Variants in CUL5 observed in about 807,000 individuals in gnomAD.
The protein encoded by CUL5 is cullin 5, also known as cullin-5.
CUL5 carries 26 observed loss-of-function variants against 108.8 expected under a neutral mutation model. The observed-to-expected ratio is 0.24, with a 90% confidence interval of 0.18 to 0.33. CUL5 has a LOEUF of 0.33. Ranked by LOEUF, CUL5 falls within the 10% of genes least tolerant of loss-of-function variation. The pLI is 1.00. For missense variants in CUL5, 524 were observed against 909.2 expected (o/e 0.58, Z 5.45); for synonymous variants, 334 against 298.0 (o/e 1.12, Z -1.25).
In CUL5 at chr11:108,097,724, T is replaced by G. The variant is rs769063205; in HGVS notation, c.1994T>G (p.Leu665Arg). 6.2e-7 allele frequency: 1 copy of G among 1,607,706 alleles called. No homozygotes were observed. The highest frequency in any genetic ancestry group is 8.5e-7 in the Non-Finnish European group (1 of 1,174,372). The change falls in exon 17 of 19, where the codon CTC (leucine) becomes CGC (arginine). Residue 665 changes from leucine (L) to arginine (R), a missense_variant. Transcript: ENST00000393094. ...CCCAAAGACTTTACAGAAGGTACCC[T>G]CTTCTCAGTGAACCAGGAGTTCAGT... is the stretch of plus-strand genomic sequence containing the variant. ...NSPKDFTEGT[L>R]FSVNQEFSLI...
rs188816264 is a variant in CUL5, at chr11:108,081,746, C to T, written c.1178+3506C>T. 7.9e-5 allele frequency among the ~76,000 whole-genome samples: 12 copies of T among 152,162 alleles called. No homozygotes were observed. In the East Asian group the frequency reaches 1.5e-3, roughly 20 times the overall value. ...CAGCCTGGGTGAGAGTGCGAGTCTCCGTCTCAAGAAAAAAATCAGTTGGCT... is the reference window on the plus strand; with the variant it reads ...CAGCCTGGGTGAGAGTGCGAGTCTCTGTCTCAAGAAAAAAATCAGTTGGCT... On this transcript the variant is annotated intron_variant, in intron 11 of 18. Coordinates refer to ENST00000393094, the MANE Select transcript of CUL5 (RefSeq NM_003478.6).
At chr11:108,009,899 C>T (rs1862021809) in intron 1 of CUL5, among the ~76,000 whole-genome samples, 2 of 152,072 alleles carry the variant, frequency 1.3e-5, no homozygotes, top group Non-Finnish European at 2.9e-5. Context: ...CGTGTTACAC[C>T]TTCCCTCCTA....
At position 108,033,792 on chromosome 11, in the gene CUL5, T is replaced by C; in HGVS notation, c.25-10T>C. 1 of 1,524,804 alleles carries C rather than the reference T, an allele frequency of 6.6e-7. No homozygotes were observed. The highest frequency in any genetic ancestry group is 8.9e-7 in the Non-Finnish European group (1 of 1,118,180). 94.5% of individuals were successfully genotyped at this position (1,524,804 alleles called of 1,614,324 possible). A position where few individuals can be genotyped will look rare whatever the true frequency, so the allele number is the denominator to read the frequency against. On this transcript the variant is annotated splice_polypyrimidine_tract_variant and intron_variant, in intron 1 of 18. Coordinates refer to ENST00000393094, the MANE Select transcript of CUL5 (RefSeq NM_003478.6). ...AAATTAAACTCCCTTTTATCTTTTT[T>C]TTTTTCAAGAATAAAGGTTCTCTTC...
chr11:108,095,016 G>C, intron 15 of CUL5, 29 bp downstream of exon 15: 1 of 1,565,374 alleles, frequency 6.4e-7, no homozygotes, highest in Non-Finnish European at 8.7e-7. Flanking sequence ...AGTTATTTCA[G>C]CTTTCAGTTT....
At chr11:108,023,917 C>T (rs1261355629) in intron 1 of CUL5, among the ~76,000 whole-genome samples, 2 of 152,134 alleles carry the variant, frequency 1.3e-5, no homozygotes, top group Non-Finnish European at 2.9e-5. Context: ...TCTTGGAAAA[C>T]AGTGTCCTCT....
At chr11:108,089,037 G>C (rs1178717214) in intron 12 of CUL5, among the ~76,000 whole-genome samples, 3 of 151,990 alleles carry the variant, frequency 2.0e-5, no homozygotes, top group African/African-American at 7.3e-5. Context: ...AGTAGATTAA[G>C]TAGTTGTTTT....
chr11:108,052,521 C>A, intron 4 of CUL5, 139 bp from the exon 5 acceptor site: 1 of 690,980 alleles, frequency 1.4e-6, no homozygotes, highest in Non-Finnish European at 2.3e-6. Flanking sequence ...CTCGGCCTCC[C>A]AAATTGTTGG....
At chr11:108,052,981 A>G (rs866216242) in intron 5 of CUL5, among the ~76,000 whole-genome samples, 180 bp downstream of exon 5, 5 of 152,228 alleles carry the variant, frequency 3.3e-5, no homozygotes, top group Middle Eastern at 3.2e-3. Context: ...ATAAAAATTC[A>G]TATTAATGTG....
In CUL5 at chr11:108,086,964, TTTTTA is replaced by T. The variant is rs369771464; in HGVS notation, c.1179-1553_1179-1549del. Among the ~76,000 whole-genome samples, 774 of 152,350 alleles carry T rather than the reference TTTTTA, an allele frequency of 5.1e-3. 7 individuals are homozygous for T. Among genetic ancestry groups the T allele is most frequent in the African/African-American group, 0.018 (728 of 41,588 alleles). On this transcript the variant is annotated intron_variant, in intron 11 of 18. Transcript: ENST00000393094. ...TGTTAGCTATTATTTTTGTGTTCTC[TTTTTA>T]TTTTATTTTTTTCATTCCTCACCTA...
At chr11:108,017,755 C>T (rs1031907048) in intron 1 of CUL5, among the ~76,000 whole-genome samples, 1 of 151,532 alleles carries the variant, frequency 6.6e-6, no homozygotes, top group Non-Finnish European at 1.5e-5. Flanking sequence ...GAGGCTGAGG[C>T]AGGAGGATTG....
chr11:108,087,352 T>G (rs1435454448), intron 11 of CUL5, among the ~76,000 whole-genome samples: 1 of 152,234 alleles, frequency 6.6e-6, no homozygotes, highest in African/African-American at 2.4e-5. Context: ...ATTTGTATAC[T>G]TAAAATTTGG....
At chr11:108,068,588 T>TA (rs1298916534) in intron 7 of CUL5, among the ~76,000 whole-genome samples, 1 of 152,194 alleles carries the variant, frequency 6.6e-6, no homozygotes, top group Non-Finnish European at 1.5e-5. Context: ...GAATTTTTAA[T>TA]AAAAAATTTT....
At chr11:108,055,417 T>C (rs1863348714) in intron 7 of CUL5, among the ~76,000 whole-genome samples, 1 of 152,106 alleles carries the variant, frequency 6.6e-6, no homozygotes, top group African/African-American at 2.4e-5. Flanking sequence ...TCTGGGAAGA[T>C]GTTTCAAACT....
intron 18 of CUL5, among the ~76,000 whole-genome samples, chr11:108,101,120 A>G (rs1471010653): frequency 6.6e-6 from 1 of 152,252 alleles, no homozygotes; most frequent in Non-Finnish European, 1.5e-5. Flanking sequence ...AATGTGACCC[A>G]TAATTATGTA....
chr11:108,047,892 C>T (rs1444677013), intron 3 of CUL5, among the ~76,000 whole-genome samples: 1 of 151,990 alleles, frequency 6.6e-6, no homozygotes, highest in African/African-American at 2.4e-5. Flanking sequence ...GAAGAATTAC[C>T]TTGGATGTTC....
chr11:108,074,573 G>A (rs1863902054), intron 10 of CUL5, among the ~76,000 whole-genome samples: 2 of 151,966 alleles, frequency 1.3e-5, no homozygotes, highest in East Asian at 2.0e-4. Context: ...GGGAGGCCAG[G>A]GCGGGTGGAT....
intron 3 of CUL5, chr11:108,046,642 C>T (rs1179411504): frequency 3.4e-6 from 1 of 295,122 alleles, no homozygotes; most frequent in Admixed American, 4.9e-5. Flanking sequence ...GTCCCCACCA[C>T]CATTATTTTT....
chr11:108,065,637 C>T (rs905726038), intron 7 of CUL5, among the ~76,000 whole-genome samples: 1 of 152,186 alleles, frequency 6.6e-6, no homozygotes, highest in African/African-American at 2.4e-5. Context: ...CCCAAGCACA[C>T]AGATTCTCCA....
intron 18 of CUL5, among the ~76,000 whole-genome samples, chr11:108,103,925 A>C (rs1172082545): frequency 6.6e-6 from 1 of 152,170 alleles, no homozygotes; most frequent in Non-Finnish European, 1.5e-5. Context: ...CGTCATCTAC[A>C]TGAGGTGTTT....
Sources: gnomAD v4.1 joint callset for allele counts (sites outside exome capture counted in the v4.1 genomes callset) on GRCh38, gnomAD v4.1.1 for gene constraint, MANE v1.5 for transcripts, NCBI Gene and HGNC (gene_info 2026-07-23, HGNC 2026-07-21) for gene names.